TBC1D5: variants seen among roughly 807,000 people sequenced by gnomAD.
TBC1D5 encodes the protein TBC1 domain family member 5.
TBC1D5 carries 75 observed loss-of-function variants against 100.3 expected under a neutral mutation model. That is an observed-to-expected ratio of 0.75 (90% confidence interval 0.62 to 0.91). The LOEUF (loss-of-function observed/expected upper bound fraction) is 0.91, where lower values mean the gene tolerates loss of function less well. Among genes scored for constraint, TBC1D5 ranks in the 40% least tolerant of loss-of-function variants. The probability of loss-of-function intolerance (pLI) is 0.00; values close to 1 mark genes in which losing one functional copy is unlikely to be tolerated. For synonymous variants in TBC1D5, 323 were observed against 325.6 expected (o/e 0.99, Z 0.09); for missense variants, 910 against 942.4 (o/e 0.97, Z 0.45).
At chr3:17,534,030 T>C (rs910115420) in intron 2 of TBC1D5, among the ~76,000 whole-genome samples, 5 of 152,150 alleles carry the variant, frequency 3.3e-5, no homozygotes, top group Admixed American at 2.0e-4. Context: ...ATGTTTTCTA[T>C]AGCAATGACA....
chr3:17,443,079 A>G (rs1294546812), intron 3 of TBC1D5, among the ~76,000 whole-genome samples: 1 of 152,244 alleles, frequency 6.6e-6, no homozygotes, highest in Non-Finnish European at 1.5e-5. Context: ...CAAGAACCAG[A>G]AAAATATGAT....
intron 19 of TBC1D5, among the ~76,000 whole-genome samples, chr3:17,175,014 C>T (rs2067567587): frequency 6.6e-6 from 1 of 152,078 alleles, no homozygotes; most frequent in Non-Finnish European, 1.5e-5. Flanking sequence ...GAGATATTTC[C>T]CAGATGAAGA....
intron 2 of TBC1D5, among the ~76,000 whole-genome samples, chr3:17,583,893 G>C (rs963664354): frequency 1.3e-5 from 2 of 152,122 alleles, no homozygotes; most frequent in African/African-American, 4.8e-5. Context: ...TACTCAAACA[G>C]GTTCATGTAC....
At chr3:17,387,839 T>A (rs1559778216) in intron 8 of TBC1D5, among the ~76,000 whole-genome samples, 1 of 151,260 alleles carries the variant, frequency 6.6e-6, no homozygotes, top group Non-Finnish European at 1.5e-5. Context: ...TGTTACAGTT[T>A]CATGAAAATA....
At chr3:17,720,149 T>A (rs868585195) in intron 1 of TBC1D5, among the ~76,000 whole-genome samples, 69 of 152,340 alleles carry the variant, frequency 4.5e-4, no homozygotes, top group African/African-American at 1.6e-3. Context: ...GTCGCTCTTT[T>A]TACCCAAATC....
At chr3:17,468,880 T>C (rs1416175985) in intron 3 of TBC1D5, among the ~76,000 whole-genome samples, 2 of 152,210 alleles carry the variant, frequency 1.3e-5, no homozygotes, top group African/African-American at 4.8e-5. Flanking sequence ...CCATAATGCC[T>C]TCAGTTAGCA....
At chr3:17,268,121 T>C (rs1383391019) in intron 15 of TBC1D5, among the ~76,000 whole-genome samples, 1 of 152,000 alleles carries the variant, frequency 6.6e-6, no homozygotes, top group African/African-American at 2.4e-5. Flanking sequence ...AGAGTCCATG[T>C]AGATGGACTT....
intron 1 of TBC1D5, among the ~76,000 whole-genome samples, chr3:17,734,134 C>G (rs1473442065): frequency 6.6e-6 from 1 of 152,138 alleles, no homozygotes; most frequent in African/African-American, 2.4e-5. Flanking sequence ...TAGTGTAGCA[C>G]TATTTGTCAT....
In TBC1D5 at chr3:17,220,196, T is replaced by C. The variant is rs377017531; in HGVS notation, c.1589-5826A>G. ...ATTATATAAGTGGAACTGCTATGTA[T>C]AACTATATGCACATTTTAAATTTAG... On this transcript the variant is annotated intron_variant, in intron 17 of 21. Transcript: ENST00000253692. Among the ~76,000 whole-genome samples, 39 of 152,302 alleles carry C rather than the reference T, an allele frequency of 2.6e-4. No individual in the cohort carries two copies. In the Middle Eastern group the frequency reaches 0.01, roughly 40 times the overall value.
At chr3:17,225,613 G>A (rs2074800588) in intron 17 of TBC1D5, among the ~76,000 whole-genome samples, 1 of 152,024 alleles carries the variant, frequency 6.6e-6, no homozygotes, top group Admixed American at 6.6e-5. Flanking sequence ...ACCAACCTGG[G>A]CAACATAGTG....
chr3:17,672,988 T>C (rs932421139), intron 1 of TBC1D5, among the ~76,000 whole-genome samples: 1 of 152,078 alleles, frequency 6.6e-6, no homozygotes, highest in Admixed American at 6.6e-5. Flanking sequence ...TACACAACAG[T>C]TAAAATGAAT....
At chr3:17,678,607 A>G (rs1338715318) in intron 1 of TBC1D5, among the ~76,000 whole-genome samples, 1 of 143,884 alleles carries the variant, frequency 7.0e-6, no homozygotes, top group Non-Finnish European at 1.5e-5. Context: ...AACCTCACAC[A>G]TCCCCCTTCT....
At chr3:17,306,175 C>A (rs2083383109) in intron 14 of TBC1D5, among the ~76,000 whole-genome samples, 1 of 152,130 alleles carries the variant, frequency 6.6e-6, no homozygotes, top group East Asian at 1.9e-4. Context: ...TTTGGCTTGC[C>A]AACACCTGCA....
At chr3:17,634,469 G>A (rs577022804) in intron 1 of TBC1D5, among the ~76,000 whole-genome samples, 41 of 152,014 alleles carry the variant, frequency 2.7e-4, no homozygotes, top group Non-Finnish European at 1.2e-4. Flanking sequence ...GAAATAAGTC[G>A]GGCAGAGAAA....
chr3:17,545,401 A>C (rs1011433483), intron 2 of TBC1D5, among the ~76,000 whole-genome samples: 3 of 152,230 alleles, frequency 2.0e-5, no homozygotes, highest in Admixed American at 6.5e-5. Context: ...ACAGCTTCCA[A>C]AACTGTGAGA....
intron 13 of TBC1D5, among the ~76,000 whole-genome samples, chr3:17,357,295 C>T (rs2091304052): frequency 6.6e-6 from 1 of 152,196 alleles, no homozygotes; most frequent in African/African-American, 2.4e-5. Flanking sequence ...AAAGGAGGTG[C>T]TTCCTTTCTG....
intron 1 of TBC1D5, among the ~76,000 whole-genome samples, chr3:17,625,719 A>G (rs1347019597): frequency 6.6e-6 from 1 of 152,114 alleles, no homozygotes; most frequent in African/African-American, 2.4e-5. Context: ...ACCTCAAAAA[A>G]TCATGCCTAT....
chr3:17,741,814 T>TC (rs2077468447), upstream of TBC1D5, among the ~76,000 whole-genome samples: 2 of 144,182 alleles, frequency 1.4e-5, no homozygotes, highest in Non-Finnish European at 3.0e-5. Context: ...TTTTTTTTTT[T>TC]TTTTTTTTTT....
chr3:17,551,264 A>AC (rs1275395442), intron 2 of TBC1D5, among the ~76,000 whole-genome samples: 3 of 152,130 alleles, frequency 2.0e-5, no homozygotes, highest in African/African-American at 7.2e-5. Context: ...GAAACTATAA[A>AC]AGTATATCTT....
Sources: gnomAD v4.1 joint callset for allele counts (sites outside exome capture counted in the v4.1 genomes callset) on GRCh38, gnomAD v4.1.1 for gene constraint, MANE v1.5 for transcripts, NCBI Gene and HGNC (gene_info 2026-07-23, HGNC 2026-07-21) for gene names.